The following ZDHHC14 variants were observed in gnomAD, a reference collection of about 807,000 sequenced individuals.
The protein encoded by ZDHHC14 is zDHHC palmitoyltransferase 14, also known as palmitoyltransferase ZDHHC14.
ZDHHC14 carries 16 observed loss-of-function variants against 47.7 expected under a neutral mutation model. The ratio of observed to expected loss-of-function variants is 0.34; its 90% CI spans 0.23 to 0.51. ZDHHC14 has a LOEUF of 0.51. Among genes scored for constraint, ZDHHC14 ranks in the 20% least tolerant of loss-of-function variants. The probability of loss-of-function intolerance (pLI) is 0.97; values close to 1 mark genes in which losing one functional copy is unlikely to be tolerated. For missense variants in ZDHHC14, 515 were observed against 662.5 expected (o/e 0.78, Z 2.44); for synonymous variants, 293 against 278.9 (o/e 1.05, Z -0.50).
At chr6:157,383,787 A>G (rs1487835879) in intron 1 of ZDHHC14, among the ~76,000 whole-genome samples, 1 of 152,138 alleles carries the variant, frequency 6.6e-6, no homozygotes, top group Non-Finnish European at 1.5e-5. Context: ...GTCAGTGGGG[A>G]GACCTGTGGA....
At chr6:157,462,381 A>G (rs1053651112) in intron 1 of ZDHHC14, among the ~76,000 whole-genome samples, 4 of 152,188 alleles carry the variant, frequency 2.6e-5, no homozygotes, top group African/African-American at 9.7e-5. Context: ...TCCTTCAAGG[A>G]TTTCAACAGC....
chr6:157,652,536 C>T (rs1036992371), intron 7 of ZDHHC14, among the ~76,000 whole-genome samples: 1 of 152,138 alleles, frequency 6.6e-6, no homozygotes, highest in Non-Finnish European at 1.5e-5. Flanking sequence ...AATGCTGAGC[C>T]TTCACTGGGG....
intron 1 of ZDHHC14, among the ~76,000 whole-genome samples, chr6:157,425,065 T>C (rs1778190075): frequency 1.3e-5 from 2 of 152,210 alleles, no homozygotes; most frequent in African/African-American, 4.8e-5. Context: ...TGTTTATAGA[T>C]TAATTTAGGA....
In ZDHHC14 at chr6:157,436,711, C is replaced by T. The variant is rs1278224042; in HGVS notation, c.245+54445C>T. Among the ~76,000 whole-genome samples, 3 of 152,080 alleles carry T rather than the reference C, an allele frequency of 2.0e-5. No homozygotes were observed. The East Asian group carries it at 5.8e-4, about 29-fold the overall frequency. ...GGGACGAAGGCTTGAATCTGAGCCC[C>T]TAGAGGCATAGTGGTGCTATTCATG... On this transcript the variant is annotated intron_variant, in intron 1 of 8. Coordinates refer to ENST00000359775, the MANE Select transcript of ZDHHC14 (RefSeq NM_024630.3).
chr6:157,435,096 C>A (rs1778412757), intron 1 of ZDHHC14, among the ~76,000 whole-genome samples: 1 of 152,350 alleles, frequency 6.6e-6, no homozygotes, highest in East Asian at 1.9e-4. Context: ...CGGAAGGAAT[C>A]GCCATAGCAG....
intron 1 of ZDHHC14, among the ~76,000 whole-genome samples, chr6:157,446,169 T>C (rs1778663076): frequency 6.6e-6 from 1 of 152,236 alleles, no homozygotes; most frequent in Admixed American, 6.5e-5. Flanking sequence ...ATTGGCATCT[T>C]TTGGCCCTTA....
chr6:157,599,041 T>C (rs1784238488), intron 3 of ZDHHC14, among the ~76,000 whole-genome samples: 1 of 152,206 alleles, frequency 6.6e-6, no homozygotes, highest in Admixed American at 6.5e-5. Context: ...AAAGAGGCTT[T>C]TCATAAATCT....
intron 2 of ZDHHC14, among the ~76,000 whole-genome samples, chr6:157,574,850 T>C (rs1783244951): frequency 6.6e-6 from 1 of 152,232 alleles, no homozygotes; most frequent in South Asian, 2.1e-4. Context: ...CTGCAGTCGA[T>C]GTGATATGAC....
chr6:157,390,362 A>C (rs1777398355), intron 1 of ZDHHC14, among the ~76,000 whole-genome samples: 2 of 152,156 alleles, frequency 1.3e-5, no homozygotes, highest in Non-Finnish European at 2.9e-5. Context: ...ATATGATAAC[A>C]TGCCTATGTA....
intron 1 of ZDHHC14, among the ~76,000 whole-genome samples, chr6:157,483,114 A>T (rs568215683): frequency 6.6e-6 from 1 of 152,298 alleles, no homozygotes; most frequent in East Asian, 1.9e-4. Context: ...CCTGGTAGCT[A>T]TAAGCATGCT....
At chr6:157,420,986 A>G (rs1477755671) in intron 1 of ZDHHC14, among the ~76,000 whole-genome samples, 2 of 152,200 alleles carry the variant, frequency 1.3e-5, no homozygotes, top group Non-Finnish European at 2.9e-5. Flanking sequence ...AGCTTCAGTT[A>G]GGTTTTCTGA....
intron 2 of ZDHHC14, among the ~76,000 whole-genome samples, chr6:157,585,838 T>A (rs1783676676): frequency 6.6e-6 from 1 of 152,158 alleles, no homozygotes; most frequent in Admixed American, 6.5e-5. Context: ...AAGAGTCAGA[T>A]CCACAGAGCA....
intron 1 of ZDHHC14, among the ~76,000 whole-genome samples, chr6:157,391,362 G>A (rs778591705): frequency 2.6e-5 from 4 of 152,150 alleles, no homozygotes; most frequent in South Asian, 2.1e-4. Context: ...GCAGTGGTCC[G>A]AGTGAAGGCC....
chr6:157,664,558 C>A (rs1201969317), intron 8 of ZDHHC14, among the ~76,000 whole-genome samples: 1 of 152,170 alleles, frequency 6.6e-6, no homozygotes, highest in African/African-American at 2.4e-5. Flanking sequence ...TTTGTTGGAA[C>A]TCAACCTCCA....
rs367617631 is a variant in ZDHHC14 at position 157,672,847 on chromosome 6, G to T, written c.1192G>T (p.Gly398Cys). Residue 398 changes from glycine to cysteine, a missense_variant, in exon 9 of 9, where the codon GGC becomes TGC. Transcript: ENST00000359775. Reference sequence around the variant, plus strand: ...GCACCTGCCCGGGAAGCCTGGCCTGGGCACGCCCTGCGCCAGCCTCACACT... The same window carrying T: ...GCACCTGCCCGGGAAGCCTGGCCTGTGCACGCCCTGCGCCAGCCTCACACT... ...ELHLPGKPGL[G>C]TPCASLTLGP... is the part of the protein sequence containing the mutation. 6.2e-7 allele frequency: 1 copy of T among 1,610,432 alleles called. No individual in the cohort carries two copies. The highest frequency in any genetic ancestry group is 1.1e-5 in the South Asian group (1 of 90,792).
chr6:157,393,025 G>C (rs544566734), intron 1 of ZDHHC14, among the ~76,000 whole-genome samples: 1 of 151,928 alleles, frequency 6.6e-6, no homozygotes, highest in African/African-American at 2.4e-5. Context: ...GATTATAGGC[G>C]TGCACCATCA....
chr6:157,592,265 C>T (rs1783936451), intron 2 of ZDHHC14, among the ~76,000 whole-genome samples: 1 of 152,058 alleles, frequency 6.6e-6, no homozygotes, highest in Non-Finnish European at 1.5e-5. Context: ...TTTGTATTGT[C>T]ATTGACATTT....
chr6:157,469,475 G>A (rs938364239), intron 1 of ZDHHC14, among the ~76,000 whole-genome samples: 2 of 152,218 alleles, frequency 1.3e-5, no homozygotes, highest in African/African-American at 4.8e-5. Flanking sequence ...GAAGTTGAAA[G>A]ACGTCAGGCA....
At chr6:157,670,590 C>A (rs923605330) in intron 8 of ZDHHC14, among the ~76,000 whole-genome samples, 1 of 152,136 alleles carries the variant, frequency 6.6e-6, no homozygotes, top group Admixed American at 6.5e-5. Flanking sequence ...CCACTGTGCC[C>A]GGCCGCCTTC....
Sources: allele counts gnomAD v4.1 joint callset (sites outside exome capture counted in the v4.1 genomes callset), GRCh38; gene constraint gnomAD v4.1.1; transcripts MANE v1.5; gene names NCBI Gene and HGNC (gene_info 2026-07-23, HGNC 2026-07-21).